Variants in HIBCH observed in about 807,000 individuals in gnomAD.
HIBCH encodes the protein 3-hydroxyisobutyryl-CoA hydrolase, mitochondrial.
In HIBCH, 50 loss-of-function variants were observed where a neutral mutation model predicts 58.2. The ratio of observed to expected loss-of-function variants is 0.86; its 90% confidence interval spans 0.68 to 1.09. HIBCH has a LOEUF of 1.09. Ranked by LOEUF, HIBCH falls within the 50% of genes least tolerant of loss-of-function variation. The probability of loss-of-function intolerance (pLI) is 0.00; values close to 1 mark genes in which losing one functional copy is unlikely to be tolerated. For synonymous variants in HIBCH, 151 were observed against 146.9 expected (o/e 1.03, Z -0.20); for missense variants, 450 against 449.7 (o/e 1.00, Z -0.01).
At chr2:190,227,050 A>T (rs1029987222) in intron 11 of HIBCH, among the ~76,000 whole-genome samples, 1 of 152,168 alleles carries the variant, frequency 6.6e-6, no homozygotes, top group Non-Finnish European at 1.5e-5. Context: ...GCTACCAATG[A>T]CTTTCTTCAC....
At chr2:190,285,399 C>T (rs531735933) in intron 6 of HIBCH, among the ~76,000 whole-genome samples, 38 of 152,220 alleles carry the variant, frequency 2.5e-4, no homozygotes, top group African/African-American at 8.7e-4. Context: ...TCTTACTCTG[C>T]AGTACTTTTT....
rs1197695668 is a variant in HIBCH at position 190,225,149 on chromosome 2, T to C, written c.892-12074A>G. 2.0e-5 allele frequency among the ~76,000 whole-genome samples: 3 copies of C among 152,268 alleles called. No homozygotes were observed. The East Asian group carries it at 5.8e-4, about 29-fold the overall frequency. On this transcript the variant is annotated intron_variant, in intron 11 of 13. Coordinates refer to ENST00000359678, the MANE Select transcript of HIBCH (RefSeq NM_014362.4). Reference sequence around the variant, plus strand: ...GTAGAGGGAAATTTATAGAACTAAATGCCCACAAGAGAAAGAAGGAAAGAT... The same window carrying C: ...GTAGAGGGAAATTTATAGAACTAAACGCCCACAAGAGAAAGAAGGAAAGAT...
intron 1 of HIBCH, among the ~76,000 whole-genome samples, chr2:190,195,564 G>A (rs954360401): frequency 1.3e-5 from 2 of 152,180 alleles, no homozygotes; most frequent in African/African-American, 4.8e-5. Flanking sequence ...GAAGACTTCC[G>A]TGAGGTGTCT....
At chr2:190,245,355 A>C (rs1445239886) in intron 10 of HIBCH, 1 of 199,710 alleles carries the variant, frequency 5.0e-6, no homozygotes, top group Non-Finnish European at 1.0e-5. Context: ...TTTTTTGCTG[A>C]TCGGCTTGAT....
At chr2:190,268,492 C>A (rs1276873716) in intron 6 of HIBCH, among the ~76,000 whole-genome samples, 2 of 152,150 alleles carry the variant, frequency 1.3e-5, no homozygotes, top group African/African-American at 4.8e-5. Context: ...TTTGGCATCC[C>A]TAAAGGCAAA....
chr2:190,202,704 A>T (rs1038721037), downstream of HIBCH: 3 of 167,086 alleles, frequency 1.8e-5, no homozygotes, highest in East Asian at 5.8e-4. Flanking sequence ...CTGGAAAGGG[A>T]AACATTTGGA....
rs992692066 is a variant in HIBCH at position 190,292,523 on chromosome 2, C to G, written c.304+2023G>C. ...ACGGGGTTTCACCACATTGCCCAGG[C>G]TGGTCTCGAACTCTTGAGCTCAGGC... On this transcript the variant is annotated intron_variant, in intron 4 of 13. Transcript: ENST00000359678. Among the ~76,000 whole-genome samples, 3 of 152,324 alleles carry G rather than the reference C, an allele frequency of 2.0e-5. No homozygotes were observed. In the South Asian group the frequency reaches 6.2e-4, roughly 32 times the overall value.
chr2:190,260,070 G>T (rs1220320629), intron 7 of HIBCH, among the ~76,000 whole-genome samples: 1 of 152,042 alleles, frequency 6.6e-6, no homozygotes, highest in African/African-American at 2.4e-5. Flanking sequence ...CTACGCAATA[G>T]GGCAAGAGAA....
chr2:190,318,582 G>A (rs760901951), intron 1 of HIBCH, among the ~76,000 whole-genome samples: 11 of 152,186 alleles, frequency 7.2e-5, no homozygotes, highest in Non-Finnish European at 1.6e-4. Context: ...CTCACCTACA[G>A]AGTACTGCAT....
chr2:190,189,822 C>T (rs932869230), exon 2 of HIBCH: 10 of 152,188 alleles, frequency 6.6e-5, no homozygotes, highest in African/African-American at 2.2e-4. Flanking sequence ...AGATAAAGCC[C>T]TTGAACTGGC....
chr2:190,287,056 GTGTA>G (rs970242328), intron 6 of HIBCH, among the ~76,000 whole-genome samples: 3 of 148,790 alleles, frequency 2.0e-5, no homozygotes, highest in African/African-American at 7.6e-5. Flanking sequence ...GTGTGTGTGT[GTGTA>G]TACATATATT....
At chr2:190,301,138 A>T (rs1043766427) in intron 2 of HIBCH, among the ~76,000 whole-genome samples, 4 of 152,204 alleles carry the variant, frequency 2.6e-5, no homozygotes, top group Admixed American at 6.5e-5. Context: ...GAACCCAACC[A>T]GGCTAGGATG....
Position 190,243,651 on chromosome 2 carries a change from T to C in HIBCH, c.891+1236A>G, listed in dbSNP as rs1043752193. ...CTGTATAAGATCCCATGGGAGAAAT[T>C]AACTTTGGATTTCCCCCTTAAGAAT... is the stretch of plus-strand genomic sequence containing the variant. On this transcript the variant is annotated intron_variant, in intron 11 of 13. Coordinates refer to ENST00000359678, the MANE Select transcript of HIBCH (RefSeq NM_014362.4). This position sits in a 1 kb window ranked among gnomAD's most constrained non-coding sequence, Gnocchi z 4.1. Among the ~76,000 whole-genome samples, 1 of 152,086 alleles carries C rather than the reference T, an allele frequency of 6.6e-6. No homozygotes were observed. Among genetic ancestry groups the C allele is most frequent in the African/African-American group, 2.4e-5 (1 of 41,394 alleles).
intron 11 of HIBCH, among the ~76,000 whole-genome samples, chr2:190,218,684 G>A (rs993613075): frequency 3.9e-5 from 6 of 152,178 alleles, no homozygotes; most frequent in Admixed American, 6.5e-5. Context: ...TCTGCTGGGC[G>A]GCCTCAAGCA....
chr2:190,275,909 C>T (rs1045358767), intron 6 of HIBCH, among the ~76,000 whole-genome samples: 6 of 152,190 alleles, frequency 3.9e-5, no homozygotes, highest in Non-Finnish European at 8.8e-5. Context: ...ACTTTCCATC[C>T]GATGAGTGCC....
chr2:190,248,817 C>A (rs981905722), intron 9 of HIBCH, among the ~76,000 whole-genome samples: 31 of 151,370 alleles, frequency 2.0e-4, no homozygotes, highest in African/African-American at 7.5e-4. Flanking sequence ...GCCAAGATTG[C>A]GCCACCGCCC....
intron 1 of HIBCH, among the ~76,000 whole-genome samples, chr2:190,198,374 C>T (rs577920599): frequency 6.6e-6 from 1 of 152,274 alleles, no homozygotes; most frequent in Admixed American, 6.5e-5. Flanking sequence ...GGCACAGTGG[C>T]TCACGCCAGT....
chr2:190,290,361 A>T (rs1337828819), intron 5 of HIBCH, 44 bp downstream of exon 5: 1 of 1,328,164 alleles, frequency 7.5e-7, no homozygotes, highest in Non-Finnish European at 1.1e-6. Flanking sequence ...TGTCCACCTC[A>T]TTTCTTTATT....
intron 10 of HIBCH, among the ~76,000 whole-genome samples, chr2:190,245,843 C>T (rs749553586): frequency 2.2e-4 from 33 of 151,924 alleles, no homozygotes; most frequent in Non-Finnish European, 3.4e-4. Flanking sequence ...TACAAAAGTT[C>T]GACAGGCATG....
Sources: allele counts gnomAD v4.1 joint callset (sites outside exome capture counted in the v4.1 genomes callset), GRCh38; gene constraint gnomAD v4.1.1; non-coding constraint Gnocchi (gnomAD v3.1); transcripts MANE v1.5; gene names NCBI Gene and HGNC (gene_info 2026-07-23, HGNC 2026-07-21).